MAP2: variants seen among roughly 807,000 people sequenced by gnomAD.
MAP2 encodes microtubule associated protein 2.
In MAP2, 14 loss-of-function variants were observed where a neutral mutation model predicts 137.6. The observed-to-expected ratio is 0.10, with a 90% CI of 0.07 to 0.16. The LOEUF (loss-of-function observed/expected upper bound fraction) is 0.16, where lower values mean the gene tolerates loss of function less well. Among genes scored for constraint, MAP2 ranks in the 10% least tolerant of loss-of-function variants. The pLI, the probability that MAP2 is intolerant of heterozygous loss-of-function variation, is 1.00. For missense variants in MAP2, 2,088 were observed against 2,191.5 expected, an observed-to-expected ratio of 0.95 and a Z score of 0.94; for synonymous variants, 786 against 782.3, an observed-to-expected ratio of 1.00 and a Z score of -0.08.
intron 2 of MAP2, among the ~76,000 whole-genome samples, chr2:209,576,037 T>C (rs1188053243): frequency 6.6e-6 from 1 of 152,088 alleles, no homozygotes. Flanking sequence ...CATACACAAA[T>C]ACGCAGACCA....
chr2:209,637,172 G>A (rs950093639), intron 4 of MAP2, among the ~76,000 whole-genome samples: 10 of 152,110 alleles, frequency 6.6e-5, no homozygotes, highest in African/African-American at 2.4e-4. Flanking sequence ...GCCGGGTGTG[G>A]TGGCTCTTAC....
At chr2:209,469,674 C>A (rs1705165202) in intron 1 of MAP2, among the ~76,000 whole-genome samples, 1 of 152,154 alleles carries the variant, frequency 6.6e-6, no homozygotes, top group Non-Finnish European at 1.5e-5. Context: ...CTCTGTCTCT[C>A]TCATACACAC....
chr2:209,491,912 A>G (rs2059159137), intron 1 of MAP2, among the ~76,000 whole-genome samples: 1 of 152,150 alleles, frequency 6.6e-6, no homozygotes, highest in African/African-American at 2.4e-5. Flanking sequence ...TCCAAACAAT[A>G]AAAAAAGAGG....
intron 1 of MAP2, among the ~76,000 whole-genome samples, chr2:209,438,202 T>A (rs1696839169): frequency 6.6e-6 from 1 of 151,570 alleles, no homozygotes; most frequent in Non-Finnish European, 1.5e-5. Flanking sequence ...AAGAAAAAAA[T>A]TCGTATTTTA....
At chr2:209,613,176 A>G (rs552820314) in intron 3 of MAP2, among the ~76,000 whole-genome samples, 1 of 152,314 alleles carries the variant, frequency 6.6e-6, no homozygotes, top group Admixed American at 6.5e-5. Context: ...CTAACTAGAC[A>G]GAACCACCCA....
intron 1 of MAP2, among the ~76,000 whole-genome samples, chr2:209,472,912 T>C (rs1185389670): frequency 6.6e-6 from 1 of 152,136 alleles, no homozygotes; most frequent in Non-Finnish European, 1.5e-5. Flanking sequence ...CATAAGTGGA[T>C]TAGCAATTTT....
chr2:209,671,679 A>G (rs192441917), intron 5 of MAP2, among the ~76,000 whole-genome samples: 6 of 152,084 alleles, frequency 3.9e-5, no homozygotes, highest in Middle Eastern at 3.4e-3. Flanking sequence ...ACAGGCTTTT[A>G]TATTCCATAT....
intron 1 of MAP2, among the ~76,000 whole-genome samples, chr2:209,475,520 C>T (rs1303659513): frequency 2.6e-5 from 4 of 151,908 alleles, no homozygotes; most frequent in Admixed American, 1.3e-4. Context: ...TCTAAGGGTA[C>T]ATATGAGAGG....
At chr2:209,663,692 A>G (rs1466288097) in intron 5 of MAP2, among the ~76,000 whole-genome samples, 3 of 152,204 alleles carry the variant, frequency 2.0e-5, no homozygotes, top group Non-Finnish European at 2.9e-5. Context: ...CTAAATACAT[A>G]TGATTCAGTT....
At chr2:209,639,835 C>A (rs2093869914) in intron 4 of MAP2, among the ~76,000 whole-genome samples, 1 of 151,940 alleles carries the variant, frequency 6.6e-6, no homozygotes, top group South Asian at 2.1e-4. Context: ...GTGCCACACA[C>A]TGTACTTGGT....
rs1220594517 is a variant in MAP2, at chr2:209,692,771, C to A, written c.601C>A (p.Pro201Thr). The change falls in exon 8 of 16, where the codon CCA (proline) becomes ACA (threonine). Residue 201 changes from proline to threonine, a missense_variant. Pro to Thr is a conservative substitution (Grantham distance 38, BLOSUM62 -1). Transcript: ENST00000682079. ...DLKHAALVSQ[P>T]ETTKTYPDKK... Reference sequence around the variant, plus strand: ...TAAACATGCTGCCTTAGTTTCTCAGCCAGAGACAACTAAAACTTACCCTGA... The same window carrying A: ...TAAACATGCTGCCTTAGTTTCTCAGACAGAGACAACTAAAACTTACCCTGA... 2 of 1,613,926 alleles carry A rather than the reference C, an allele frequency of 1.2e-6. No individual in the cohort carries two copies. The highest frequency in any genetic ancestry group is 1.7e-5 in the Admixed American group (1 of 59,970).
chr2:209,553,119 C>G (rs998232912), intron 2 of MAP2, among the ~76,000 whole-genome samples: 3 of 151,500 alleles, frequency 2.0e-5, no homozygotes, highest in Non-Finnish European at 4.4e-5. Flanking sequence ...TCATGCCATT[C>G]TCCTGCCTCA....
At chr2:209,469,651 T>C (rs1248401137) in intron 1 of MAP2, among the ~76,000 whole-genome samples, 1 of 152,152 alleles carries the variant, frequency 6.6e-6, no homozygotes, top group Non-Finnish European at 1.5e-5. Flanking sequence ...AGTCAACCTC[T>C]CTGCCTTTCT....
At chr2:209,647,163 T>G (rs1314323801) in intron 4 of MAP2, among the ~76,000 whole-genome samples, 1 of 152,074 alleles carries the variant, frequency 6.6e-6, no homozygotes, top group African/African-American at 2.4e-5. Flanking sequence ...CTCACTATCA[T>G]GAGGACAGTA....
intron 11 of MAP2, chr2:209,704,346 A>T: frequency 1.1e-6 from 1 of 938,220 alleles, no homozygotes; most frequent in Non-Finnish European, 1.6e-6. Flanking sequence ...TGTTCTTATT[A>T]AAAAGACTTT....
intron 3 of MAP2, among the ~76,000 whole-genome samples, chr2:209,604,158 A>T (rs529588197): frequency 2.4e-4 from 37 of 151,940 alleles, no homozygotes; most frequent in African/African-American, 8.9e-4. Flanking sequence ...AGCTTAGGGT[A>T]GGGCCCAAGA....
intron 11 of MAP2, among the ~76,000 whole-genome samples, chr2:209,701,512 T>C (rs2061752627): frequency 6.6e-6 from 1 of 152,032 alleles, no homozygotes; most frequent in Non-Finnish European, 1.5e-5. Flanking sequence ...ATTAGTAGCT[T>C]ATAACAACAT....
At chr2:209,528,893 CAT>C (rs972846926) in intron 2 of MAP2, among the ~76,000 whole-genome samples, 21 of 135,050 alleles carry the variant, frequency 1.6e-4, no homozygotes, top group East Asian at 4.2e-4. Context: ...TGTGTATATA[CAT>C]ATATATACAC....
intron 2 of MAP2, among the ~76,000 whole-genome samples, chr2:209,527,981 T>A (rs1399758838): frequency 6.6e-6 from 1 of 152,182 alleles, no homozygotes; most frequent in Non-Finnish European, 1.5e-5. Context: ...AAGATTCATA[T>A]TATACGAAGT....
Sources: gnomAD v4.1 joint callset for allele counts (sites outside exome capture counted in the v4.1 genomes callset) on GRCh38, gnomAD v4.1.1 for gene constraint, MANE v1.5 for transcripts, NCBI Gene and HGNC (gene_info 2026-07-23, HGNC 2026-07-21) for gene names.